Variants in NCKAP5 observed in about 807,000 individuals in gnomAD.
The protein encoded by NCKAP5 is NCK associated protein 5.
In NCKAP5, 92 loss-of-function variants were observed where a neutral mutation model predicts 167.0. That is an observed-to-expected ratio of 0.55 (90% confidence interval 0.47 to 0.66). The LOEUF is 0.66. NCKAP5 is among the 30% of genes least tolerant of loss of function. The pLI is 0.00. For synonymous variants in NCKAP5, 891 were observed against 877.4 expected (o/e 1.02, Z -0.27); for missense variants, 2,378 against 2,315.0 (o/e 1.03, Z -0.56).
chr2:133,443,307 G>T (rs748503565), intron 3 of NCKAP5, among the ~76,000 whole-genome samples: 2 of 152,196 alleles, frequency 1.3e-5, no homozygotes, highest in Admixed American at 6.5e-5. Context: ...GGTTTTAGAT[G>T]CCTTTGCTCC....
intron 6 of NCKAP5, among the ~76,000 whole-genome samples, chr2:133,098,781 T>C (rs1276911430): frequency 2.0e-5 from 3 of 152,206 alleles, no homozygotes; most frequent in Non-Finnish European, 4.4e-5. Flanking sequence ...TGCATATTTG[T>C]AGTAAGCTAG....
At chr2:132,985,885 A>C (rs538943425) in intron 7 of NCKAP5, among the ~76,000 whole-genome samples, 1 of 152,344 alleles carries the variant, frequency 6.6e-6, no homozygotes, top group Admixed American at 6.5e-5. Flanking sequence ...AAAGCTCTCA[A>C]TAAAAATACT....
intron 3 of NCKAP5, among the ~76,000 whole-genome samples, chr2:133,344,425 G>A (rs999963593): frequency 1.3e-5 from 2 of 151,098 alleles, no homozygotes; most frequent in Non-Finnish European, 1.5e-5. Flanking sequence ...AAAAAAAAAG[G>A]GTAATAAAAA....
At chr2:132,838,997 T>C (rs1372594215) in intron 11 of NCKAP5, among the ~76,000 whole-genome samples, 1 of 152,336 alleles carries the variant, frequency 6.6e-6, no homozygotes, top group African/African-American at 2.4e-5. Flanking sequence ...TTGTGGGCCA[T>C]TTGGATTTGC....
At chr2:133,014,302 T>C (rs2078261819) in intron 6 of NCKAP5, among the ~76,000 whole-genome samples, 1 of 152,216 alleles carries the variant, frequency 6.6e-6, no homozygotes, top group African/African-American at 2.4e-5. Flanking sequence ...TATATGCCTT[T>C]GCTTTCCTGC....
chr2:133,491,926 T>C (rs13419194), intron 3 of NCKAP5, among the ~76,000 whole-genome samples: 3,043 of 152,328 alleles, frequency 0.02, 125 homozygotes, highest in African/African-American at 0.068. Context: ...AATAAATCTG[T>C]GTATAAATGT....
Position 132,758,513 on chromosome 2 carries a change from G to A in NCKAP5, c.5128+15303C>T, listed in dbSNP as rs374884876. ...CCTATCTATAATGTCTAGTAAACTC[G>A]GAATCATCTGTGGGAGAACAGAGGA... On this transcript the variant is annotated intron_variant, in intron 16 of 19. Transcript: ENST00000409261. 1.2e-4 allele frequency among the ~76,000 whole-genome samples: 19 copies of A among 152,186 alleles called. No homozygotes were observed. In the East Asian group the frequency reaches 1.5e-3, roughly 12 times the overall value.
intron 16 of NCKAP5, among the ~76,000 whole-genome samples, chr2:132,765,294 G>A (rs1018777445): frequency 1.1e-4 from 17 of 150,088 alleles, no homozygotes; most frequent in African/African-American, 3.7e-4. Flanking sequence ...GTTTTCCTAT[G>A]GATTTCTTTC....
Position 133,115,810 on chromosome 2 carries a change from T to C in NCKAP5, c.341+14168A>G, listed in dbSNP as rs1462040150. ...ATATATATATATATATATATATATA[T>C]ATATATAGTGTTCACACACACACAC... On this transcript the variant is annotated intron_variant, in intron 6 of 19. Transcript: ENST00000409261. Among the ~76,000 whole-genome samples, 96 of 94,130 alleles carry C rather than the reference T, an allele frequency of 1.0e-3. 2 individuals carry two copies. Among genetic ancestry groups the C allele is most frequent in the African/African-American group, 4.7e-3 (89 of 18,994 alleles). 61.8% of individuals were successfully genotyped at this position (94,130 alleles called of 152,430 possible). A position where few individuals can be genotyped will look rare whatever the true frequency, so the allele number is the denominator to read the frequency against.
At chr2:133,480,129 G>A (rs7564353) in intron 3 of NCKAP5, among the ~76,000 whole-genome samples, 3,636 of 151,750 alleles carry the variant, frequency 0.024, 142 homozygotes, top group African/African-American at 0.083. Context: ...ATGGGGTTTC[G>A]CCGTGTTGGC....
At chr2:133,436,083 A>G (rs1255952382) in intron 3 of NCKAP5, among the ~76,000 whole-genome samples, 1 of 152,110 alleles carries the variant, frequency 6.6e-6, no homozygotes, top group Non-Finnish European at 1.5e-5. Context: ...TTAATTTTCA[A>G]TTCTTGCTAT....
chr2:133,038,031 G>A (rs531733937), intron 6 of NCKAP5, among the ~76,000 whole-genome samples: 2 of 152,228 alleles, frequency 1.3e-5, no homozygotes, highest in Non-Finnish European at 2.9e-5. Context: ...ATGTAAATTA[G>A]TACAACCACT....
chr2:132,884,664 A>G (rs946406411), intron 8 of NCKAP5, among the ~76,000 whole-genome samples: 4 of 152,200 alleles, frequency 2.6e-5, no homozygotes, highest in African/African-American at 9.7e-5. Context: ...TTCTTTGGAG[A>G]AATTTACCTT....
At position 133,056,413 on chromosome 2, in the gene NCKAP5, T is replaced by C. The variant is rs555383205; in HGVS notation, c.342-62174A>G. On this transcript the variant is annotated intron_variant, in intron 6 of 19. Coordinates refer to ENST00000409261, the MANE Select transcript of NCKAP5 (RefSeq NM_207363.3). Reference sequence around the variant, plus strand: ...AGAATGGTATATAATAGTTATTTAATAATATTTACTAATAAATTGTAAAAT... The same window carrying C: ...AGAATGGTATATAATAGTTATTTAACAATATTTACTAATAAATTGTAAAAT... Among the ~76,000 whole-genome samples the C allele has an allele frequency of 3.9e-5, 6 of 152,294 alleles. No individual in the cohort carries two copies. The East Asian group carries it at 1.2e-3, about 29-fold the overall frequency.
chr2:132,871,890 C>T lies in NCKAP5; in HGVS notation c.649-2916G>A, dbSNP rs77660738. Among the ~76,000 whole-genome samples the T allele has an allele frequency of 2.5e-3, 375 of 152,266 alleles. 2 individuals are homozygous for T. The highest frequency in any genetic ancestry group is 7.9e-3 in the African/African-American group (328 of 41,584). ...TTTTGTTATCGCTTTTAACAGCTAA[C>T]TTCCCTGATGCATAAATAGGACAGC... On this transcript the variant is annotated intron_variant, in intron 9 of 19. Transcript: ENST00000409261.
chr2:133,308,945 C>T (rs1338208268), intron 3 of NCKAP5, among the ~76,000 whole-genome samples: 4 of 150,104 alleles, frequency 2.7e-5, no homozygotes, highest in South Asian at 2.1e-4. Context: ...CTCCTGACCT[C>T]ATGATCCACC....
chr2:133,199,487 T>C (rs544088821), intron 5 of NCKAP5, among the ~76,000 whole-genome samples: 3 of 152,144 alleles, frequency 2.0e-5, no homozygotes, highest in African/African-American at 7.2e-5. Flanking sequence ...CTCAACATCT[T>C]TTATCATCAA....
chr2:132,783,665 G>A lies in NCKAP5; in HGVS notation c.3146C>T (p.Ser1049Phe). The A allele has an allele frequency of 1.9e-6, 3 of 1,613,948 alleles. No homozygotes were observed. Among genetic ancestry groups the A allele is most frequent in the Non-Finnish European group, 2.5e-6 (3 of 1,179,884 alleles). ...VSPKRGVPKT[S>F]PRQTLGTPQR... ...TGGGGTCCCAAGTGTTTGGCGAGGAGAGGTTTTGGGGACACCTCTCTTCGG... is the reference window on the plus strand; with the variant it reads ...TGGGGTCCCAAGTGTTTGGCGAGGAAAGGTTTTGGGGACACCTCTCTTCGG... The change falls in exon 14 of 20, where the codon TCT (serine) becomes TTT (phenylalanine). Residue 1049 changes from serine to phenylalanine, a missense_variant. Ser to Phe is a radical substitution (Grantham distance 155). This residue lies in a region of NCKAP5 where 1,325 missense variants were observed against 1,274.5 expected (regional missense o/e 1.04). Transcript: ENST00000409261.
rs528133237 is a variant in NCKAP5 at position 133,450,052 on chromosome 2, A to G, written c.69+67406T>C. 2.0e-5 allele frequency among the ~76,000 whole-genome samples: 3 copies of G among 152,262 alleles called. No individual in the cohort carries two copies. In the South Asian group the frequency reaches 6.2e-4, roughly 32 times the overall value. The stretch of plus-strand genomic sequence containing the variant: ...CAGCAAAGATGTACCTACCAGAAAC[A>G]TTTATTGATTTGCCCATATTTGTCT... On this transcript the variant is annotated intron_variant, in intron 3 of 19. Coordinates refer to ENST00000409261, the MANE Select transcript of NCKAP5 (RefSeq NM_207363.3).
Sources: allele counts gnomAD v4.1 joint callset (sites outside exome capture counted in the v4.1 genomes callset), GRCh38; gene constraint gnomAD v4.1.1; regional missense constraint gnomAD v4.1.1; transcripts MANE v1.5; gene names NCBI Gene and HGNC (gene_info 2026-07-23, HGNC 2026-07-21).